Variants in OR6N1 observed in about 807,000 individuals in gnomAD.
OR6N1 encodes olfactory receptor family 6 subfamily N member 1.
For synonymous variants in OR6N1, 170 were observed against 150.7 expected (o/e 1.13, Z -0.94); for missense variants, 394 against 371.7 (o/e 1.06, Z -0.49).
At chr1:158,817,584 C>G in the OR6N1 span, among the ~76,000 whole-genome samples, 1 of 152,196 alleles carries the variant, frequency 6.6e-6, no homozygotes, top group Non-Finnish European at 1.5e-5. Flanking sequence ...TGTCTTTGAT[C>G]TCTCTGCAAA....
At chr1:158,827,386 C>T in the OR6N1 span, among the ~76,000 whole-genome samples, 308 of 152,256 alleles carry the variant, frequency 2.0e-3, 2 homozygotes, top group African/African-American at 6.9e-3. Flanking sequence ...TAATCAACTG[C>T]TTAAAAAGGA....
At chr1:158,800,413 A>G in the OR6N1 span, among the ~76,000 whole-genome samples, 58 of 152,326 alleles carry the variant, frequency 3.8e-4, no homozygotes, top group African/African-American at 1.3e-3. Context: ...GTTTGACAAT[A>G]TTAAAATTGG....
At chr1:158,796,889 T>TC in the OR6N1 span, among the ~76,000 whole-genome samples, 1 of 152,158 alleles carries the variant, frequency 6.6e-6, no homozygotes, top group South Asian at 2.1e-4. Context: ...CTTTTTTTTT[T>TC]TTTTGTAGGT....
the OR6N1 span, among the ~76,000 whole-genome samples, chr1:158,794,077 C>A: frequency 1.3e-5 from 2 of 152,182 alleles, no homozygotes; most frequent in African/African-American, 4.8e-5. Context: ...CTCATGCAAG[C>A]CTGAACCTGG....
At chr1:158,833,809 C>T in the OR6N1 span, among the ~76,000 whole-genome samples, 1 of 152,114 alleles carries the variant, frequency 6.6e-6, no homozygotes, top group East Asian at 1.9e-4. Context: ...CTGCAATGAA[C>T]ATATATGTAC....
At chr1:158,835,524 A>G in the OR6N1 span, among the ~76,000 whole-genome samples, 1 of 149,824 alleles carries the variant, frequency 6.7e-6, no homozygotes, top group Non-Finnish European at 1.5e-5. Flanking sequence ...CTTTCCACAT[A>G]TAAGATCATA....
At position 158,764,523 on chromosome 1, in the gene OR6N1, T is replaced by A. The variant is rs1368637029; in HGVS notation, c.*1221A>T. 6.6e-6 allele frequency: 1 copy of A among 152,096 alleles called. No homozygotes were observed. Among genetic ancestry groups the A allele is most frequent in the East Asian group, 1.9e-4 (1 of 5,198 alleles). The allele number at this position is 152,096 out of a possible 1,614,324, so 9.4% of individuals were successfully genotyped here. A position where few individuals can be genotyped will look rare whatever the true frequency, so the allele number is the denominator to read the frequency against. ...AGCTAAATAAACGTGTTAATTTGAA[T>A]GCATGGATGGATGAATACCTTTAAA... On this transcript the variant is annotated 3_prime_UTR_variant, in exon 2 of 2. Coordinates refer to ENST00000641846, the MANE Select transcript of OR6N1 (RefSeq NM_001005185.2).
At chr1:158,794,607 T>G in the OR6N1 span, among the ~76,000 whole-genome samples, 1 of 152,196 alleles carries the variant, frequency 6.6e-6, no homozygotes, top group Non-Finnish European at 1.5e-5. Context: ...AAGAAGTTAG[T>G]AGACTCTAAG....
At chr1:158,769,295 C>G (rs1657353512) in intron 1 of OR6N1, among the ~76,000 whole-genome samples, 1 of 152,086 alleles carries the variant, frequency 6.6e-6, no homozygotes, top group Admixed American at 6.5e-5. Context: ...CCACAAGTAG[C>G]TGGGACTACA....
the OR6N1 span, among the ~76,000 whole-genome samples, chr1:158,829,880 G>A: frequency 7.8e-3 from 1,190 of 152,298 alleles, 17 homozygotes; most frequent in African/African-American, 0.027. Context: ...CACATCTTAC[G>A]TAGATGGCAG....
the OR6N1 span, among the ~76,000 whole-genome samples, chr1:158,786,593 T>A: frequency 6.6e-6 from 1 of 152,182 alleles, no homozygotes; most frequent in African/African-American, 2.4e-5. Context: ...GGAACCAACC[T>A]AAGTGCCCAT....
At chr1:158,835,560 C>G in the OR6N1 span, among the ~76,000 whole-genome samples, 8 of 116,196 alleles carry the variant, frequency 6.9e-5, no homozygotes, top group Admixed American at 9.0e-4. Flanking sequence ...GAGAATTTAC[C>G]TTTTTTCTTT....
the OR6N1 span, among the ~76,000 whole-genome samples, chr1:158,808,121 CTTTTTTTTTTTT>C: frequency 5.1e-4 from 20 of 39,580 alleles, no homozygotes; most frequent in African/African-American, 1.5e-3. Context: ...CAATGACTGC[CTTTTTTTTTTTT>C]TTTTTTTTTT....
the OR6N1 span, among the ~76,000 whole-genome samples, chr1:158,793,559 T>A: frequency 6.6e-6 from 1 of 152,192 alleles, no homozygotes; most frequent in African/African-American, 2.4e-5. Flanking sequence ...TTCTTGGTTA[T>A]AGAGAATCTT....
the OR6N1 span, among the ~76,000 whole-genome samples, chr1:158,819,920 A>C: frequency 1.3e-5 from 2 of 152,184 alleles, no homozygotes; most frequent in Non-Finnish European, 2.9e-5. Context: ...AGAGGAATTA[A>C]AGACACACAC....
chr1:158,776,388 A>G (rs1224312441), upstream of OR6N1: 4 of 233,938 alleles, frequency 1.7e-5, no homozygotes, highest in Non-Finnish European at 3.3e-5. Flanking sequence ...GTTTGATTGG[A>G]AAAAGGAACA....
the OR6N1 span, among the ~76,000 whole-genome samples, chr1:158,826,955 C>A: frequency 6.6e-6 from 1 of 151,978 alleles, no homozygotes; most frequent in Non-Finnish European, 1.5e-5. Flanking sequence ...CCTTGAGTAC[C>A]AAACAAAGAA....
chr1:158,769,164 T>TTAG (rs956883848), intron 1 of OR6N1, among the ~76,000 whole-genome samples: 1 of 151,880 alleles, frequency 6.6e-6, no homozygotes, highest in Non-Finnish European at 1.5e-5. Flanking sequence ...ACATAATTTA[T>TTAG]TATTATTATT....
At chr1:158,775,198 TA>T (rs1340680592), upstream of OR6N1, 1 of 152,144 alleles carries the variant, frequency 6.6e-6, no homozygotes, top group Non-Finnish European at 1.5e-5. Flanking sequence ...ACTTCAGAGA[TA>T]AAAATGAGTG....
Sources: gnomAD v4.1 joint callset for allele counts (sites outside exome capture counted in the v4.1 genomes callset) on GRCh38, gnomAD v4.1.1 for gene constraint, MANE v1.5 for transcripts, NCBI Gene and HGNC (gene_info 2026-07-23, HGNC 2026-07-21) for gene names.